The following DGLUCY variants were observed in gnomAD, a reference collection of about 807,000 sequenced individuals.
The protein encoded by DGLUCY is D-glutamate cyclase.
In DGLUCY, 58 loss-of-function variants were observed where a neutral mutation model predicts 58.5. That is an observed-to-expected ratio of 0.99 (90% CI 0.80 to 1.23). The LOEUF is 1.23. Ranked by LOEUF, DGLUCY falls within the 50% of genes most tolerant of loss-of-function variation. DGLUCY has a pLI of 0.00. For missense variants in DGLUCY, 779 were observed against 784.7 expected (o/e 0.99, Z 0.09); for synonymous variants, 325 against 314.1 (o/e 1.03, Z -0.37).
Position 91,215,526 on chromosome 14 carries a change from C to T in DGLUCY, c.1686C>T (p.Ala562=), listed in dbSNP as rs1222775149. ...CCTCCAGGGCACCTGGAGATCAGGCCTGGACTCAGGCCCTCCCGTCGGTCA... is the reference window on the plus strand; with the variant it reads ...CCTCCAGGGCACCTGGAGATCAGGCTTGGACTCAGGCCCTCCCGTCGGTCA... ...VGPSRAPGDQ[A]WTQALPSVIK... The change falls in exon 13 of 14, where the codon GCC becomes GCT. Residue 562 remains alanine (A), a synonymous_variant. Coordinates refer to ENST00000256324, the MANE Select transcript of DGLUCY (RefSeq NM_001102368.3). 13 of 1,614,016 alleles carry T rather than the reference C, an allele frequency of 8.1e-6. No homozygotes were observed. Among genetic ancestry groups the T allele is most frequent in the Non-Finnish European group, 1.1e-5 (13 of 1,179,850 alleles).
chr14:91,157,535 G>C (rs947167718), intron 1 of DGLUCY, 104 bp from the exon 2 acceptor site: 12 of 152,152 alleles, frequency 7.9e-5, no homozygotes, highest in African/African-American at 2.2e-4. Flanking sequence ...CATGGTCCTG[G>C]CACACTGTGG....
chr14:91,118,075 G>C (rs77029339), intron 1 of DGLUCY, among the ~76,000 whole-genome samples: 1,860 of 58,308 alleles, frequency 0.032, no homozygotes, highest in Non-Finnish European at 0.038. Flanking sequence ...AATTCTCCCC[G>C]CCCCCCCCCC....
intron 13 of DGLUCY, among the ~76,000 whole-genome samples, chr14:91,219,568 C>T (rs1887119792): frequency 6.6e-6 from 1 of 152,208 alleles, no homozygotes; most frequent in Non-Finnish European, 1.5e-5. Context: ...CAGTGAGTTG[C>T]ATCTGGGGAC....
chr14:91,179,605 G>A (rs2049043740), intron 7 of DGLUCY, among the ~76,000 whole-genome samples: 1 of 151,888 alleles, frequency 6.6e-6, no homozygotes, highest in South Asian at 2.1e-4. Context: ...ACAAAAATTA[G>A]CCGGGTGTAG....
chr14:91,122,656 G>T (rs1408134536), intron 1 of DGLUCY, among the ~76,000 whole-genome samples: 2 of 144,212 alleles, frequency 1.4e-5, no homozygotes, highest in African/African-American at 5.3e-5. Flanking sequence ...AGACTGGAGT[G>T]AAGTGGCTCG....
At chr14:91,147,153 T>C (rs534090280) in intron 1 of DGLUCY, among the ~76,000 whole-genome samples, 20 of 152,322 alleles carry the variant, frequency 1.3e-4, no homozygotes, top group Non-Finnish European at 2.4e-4. Flanking sequence ...GCAATTATCT[T>C]GGCCAACAGT....
intron 11 of DGLUCY, among the ~76,000 whole-genome samples, chr14:91,203,813 A>G (rs535037846): frequency 2.9e-3 from 443 of 152,116 alleles, no homozygotes; most frequent in Non-Finnish European, 4.2e-3. Flanking sequence ...AGTAGCTGGG[A>G]CTACAGGCAT....
intron 1 of DGLUCY, among the ~76,000 whole-genome samples, chr14:91,064,839 C>G (rs577078638): frequency 6.6e-6 from 1 of 152,030 alleles, no homozygotes; most frequent in South Asian, 2.1e-4. Flanking sequence ...ATGACAATAT[C>G]CAGAGCAGTT....
chr14:91,190,641 T>C (rs1337545206), intron 9 of DGLUCY, among the ~76,000 whole-genome samples: 1 of 151,688 alleles, frequency 6.6e-6, no homozygotes, highest in Non-Finnish European at 1.5e-5. Flanking sequence ...CAGAGGTCAT[T>C]AGGTGGAGTG....
chr14:91,117,419 G>A (rs4904747), intron 1 of DGLUCY, among the ~76,000 whole-genome samples: 128,203 of 152,074 alleles, frequency 0.84, 54,360 homozygotes, highest in East Asian at 1. Context: ...GCCCCTGTTC[G>A]AGATGGAGTG....
At chr14:91,093,183 A>T (rs994684429) in intron 1 of DGLUCY, among the ~76,000 whole-genome samples, 2 of 152,184 alleles carry the variant, frequency 1.3e-5, no homozygotes, top group Non-Finnish European at 2.9e-5. Context: ...TTGCATAATG[A>T]CTATAATGAT....
intron 6 of DGLUCY, 85 bp from the exon 7 acceptor site, chr14:91,175,849 T>G: frequency 6.7e-7 from 1 of 1,490,052 alleles, no homozygotes. Context: ...AGTTTCTGTT[T>G]TAGAGAAAGA....
chr14:91,122,163 T>A (rs973148326), intron 1 of DGLUCY, among the ~76,000 whole-genome samples: 5 of 152,034 alleles, frequency 3.3e-5, no homozygotes, highest in African/African-American at 1.2e-4. Context: ...GCTTTTTATT[T>A]TTTTATTTTT....
intron 11 of DGLUCY, among the ~76,000 whole-genome samples, chr14:91,202,620 C>T (rs1056977656): frequency 3.9e-5 from 6 of 152,122 alleles, no homozygotes; most frequent in African/African-American, 1.4e-4. Flanking sequence ...GCTGGGCAGG[C>T]AGAGGACCTC....
chr14:91,189,030 C>T lies in DGLUCY; in HGVS notation c.1055C>T (p.Pro352Leu), dbSNP rs1311365479. ...TGFPTHFNHEPPEETDGPPGA... is the reference protein window; with the variant it reads ...TGFPTHFNHELPEETDGPPGA... Reference sequence around the variant, plus strand: ...TTCCCCACACATTTCAATCATGAGCCTCCAGAAGAGACAGATGGCCCACCA... The same window carrying T: ...TTCCCCACACATTTCAATCATGAGCTTCCAGAAGAGACAGATGGCCCACCA... The change falls in exon 9 of 14, where the codon CCT (proline) becomes CTT (leucine). Residue 352 changes from proline to leucine, a missense_variant. Pro to Leu is a moderately conservative substitution (Grantham distance 98). Coordinates refer to ENST00000256324, the MANE Select transcript of DGLUCY (RefSeq NM_001102368.3). The T allele has an allele frequency of 6.2e-7, 1 of 1,614,172 alleles. No individual in the cohort carries two copies. The highest frequency in any genetic ancestry group is 8.5e-7 in the Non-Finnish European group (1 of 1,180,038).
chr14:91,219,215 C>T (rs1316635275), intron 13 of DGLUCY, among the ~76,000 whole-genome samples: 1 of 151,934 alleles, frequency 6.6e-6, no homozygotes, highest in African/African-American at 2.4e-5. Flanking sequence ...AAAAAAGCTT[C>T]TGTGGGAGCA....
intron 3 of DGLUCY, among the ~76,000 whole-genome samples, chr14:91,164,801 A>G (rs2048184462): frequency 6.6e-6 from 1 of 152,240 alleles, no homozygotes; most frequent in Non-Finnish European, 1.5e-5. Context: ...AAGCCAGCAC[A>G]GCACTGGGTC....
intron 1 of DGLUCY, among the ~76,000 whole-genome samples, chr14:91,089,626 A>C (rs893083041): frequency 6.6e-6 from 1 of 152,166 alleles, no homozygotes; most frequent in Non-Finnish European, 1.5e-5. Context: ...GTTTGAGACC[A>C]GCCTGGCCAA....
chr14:91,132,165 G>A (rs2046060153), intron 1 of DGLUCY, among the ~76,000 whole-genome samples: 1 of 152,062 alleles, frequency 6.6e-6, no homozygotes. Flanking sequence ...CATGGCTATG[G>A]GTTTTATTTT....
Sources: allele counts gnomAD v4.1 joint callset (sites outside exome capture counted in the v4.1 genomes callset), GRCh38; gene constraint gnomAD v4.1.1; transcripts MANE v1.5; gene names NCBI Gene and HGNC (gene_info 2026-07-23, HGNC 2026-07-21).